FAT3: variants seen among roughly 807,000 people sequenced by gnomAD.
FAT3 encodes the protein protocadherin Fat 3.
A neutral mutation model predicts 310.2 loss-of-function variants in FAT3; 95 were observed. That is an observed-to-expected ratio of 0.31 (90% CI 0.26 to 0.36). The LOEUF is 0.36. Ranked by LOEUF, FAT3 falls within the 10% of genes least tolerant of loss-of-function variation. The pLI, the probability that FAT3 is intolerant of heterozygous loss-of-function variation, is 1.00. For missense variants in FAT3, 5,408 were observed against 5,715.6 expected (o/e 0.95, Z 1.74); for synonymous variants, 2,314 against 2,192.9 (o/e 1.06, Z -1.54).
At chr11:92,326,780 G>A (rs1451325107) in intron 1 of FAT3, among the ~76,000 whole-genome samples, 1 of 152,160 alleles carries the variant, frequency 6.6e-6, no homozygotes, top group Non-Finnish European at 1.5e-5. Context: ...TCAGAAACTG[G>A]AGTCTTATTT....
At chr11:92,791,047 G>A (rs896756275) in intron 8 of FAT3, among the ~76,000 whole-genome samples, 2 of 152,148 alleles carry the variant, frequency 1.3e-5, no homozygotes, top group African/African-American at 2.4e-5. Flanking sequence ...TGAAAGTAAT[G>A]TTCCACTAAG....
At chr11:92,887,134 T>C (rs748945389) in intron 25 of FAT3, 21 bp downstream of exon 25, 2 of 1,587,686 alleles carry the variant, frequency 1.3e-6, no homozygotes. Flanking sequence ...ATCAGATTTG[T>C]TCGGAGCGGG....
chr11:92,483,239 C>T (rs752230468), intron 2 of FAT3, among the ~76,000 whole-genome samples: 1 of 152,156 alleles, frequency 6.6e-6, no homozygotes. Flanking sequence ...TGGAATTTTG[C>T]ACATGTCCAT....
intron 22 of FAT3, among the ~76,000 whole-genome samples, chr11:92,869,494 A>C (rs914685853): frequency 6.6e-6 from 1 of 152,166 alleles, no homozygotes; most frequent in African/African-American, 2.4e-5. Flanking sequence ...GGGGGTATCT[A>C]CCTCTTCCTG....
At chr11:92,463,580 C>A (rs1951686436) in intron 2 of FAT3, among the ~76,000 whole-genome samples, 1 of 152,112 alleles carries the variant, frequency 6.6e-6, no homozygotes, top group South Asian at 2.1e-4. Context: ...AACATCCAAT[C>A]AATGGTACCT....
chr11:92,227,752 CT>C (rs151286236), intron 1 of FAT3, among the ~76,000 whole-genome samples: 61,082 of 140,390 alleles, frequency 0.44, 13,288 homozygotes, highest in Non-Finnish European at 0.51. Context: ...CTTTCTTCTT[CT>C]TTTTTTTTTT....
chr11:92,464,354 G>A (rs184386729), intron 2 of FAT3, among the ~76,000 whole-genome samples: 2 of 152,322 alleles, frequency 1.3e-5, no homozygotes, highest in Admixed American at 1.3e-4. Flanking sequence ...CTTGGATGCA[G>A]TTACCATCTT....
chr11:92,385,121 A>T (rs1176915539), intron 2 of FAT3, among the ~76,000 whole-genome samples: 8 of 152,340 alleles, frequency 5.3e-5, no homozygotes, highest in Admixed American at 4.6e-4. Flanking sequence ...ATTGCATCAT[A>T]GTATTACTCC....
At chr11:92,520,247 A>G (rs7925140) in intron 2 of FAT3, among the ~76,000 whole-genome samples, 5,854 of 152,230 alleles carry the variant, frequency 0.038, 369 homozygotes, top group African/African-American at 0.13. Context: ...AACAGTACAG[A>G]CTATATTATT....
chr11:92,315,512 T>G (rs71458698), intron 1 of FAT3, among the ~76,000 whole-genome samples: 11,628 of 56,344 alleles, frequency 0.21, 1,401 homozygotes, highest in African/African-American at 0.33. Flanking sequence ...TATATATATA[T>G]AGAGAGAGAG....
At chr11:92,447,215 A>ATGTGTGTGTGTGTG (rs369295353) in intron 2 of FAT3, among the ~76,000 whole-genome samples, 22 of 123,008 alleles carry the variant, frequency 1.8e-4, no homozygotes, top group African/African-American at 6.6e-4. Context: ...GTGTATGTAT[A>ATGTGTGTGTGTGTG]TGTGTGCGTG....
chr11:92,722,852 G>T (rs1944902782), intron 4 of FAT3, among the ~76,000 whole-genome samples: 1 of 152,196 alleles, frequency 6.6e-6, no homozygotes, highest in Admixed American at 6.5e-5. Context: ...CATGGCTAGG[G>T]TGGCTAGGAT....
chr11:92,486,884 C>G (rs1051822407), intron 2 of FAT3, among the ~76,000 whole-genome samples: 21 of 152,144 alleles, frequency 1.4e-4, no homozygotes, highest in Non-Finnish European at 2.5e-4. Flanking sequence ...GTGTCCCACT[C>G]TCATCTGGTT....
At chr11:92,743,996 G>A (rs1372649682) in intron 4 of FAT3, among the ~76,000 whole-genome samples, 1 of 152,150 alleles carries the variant, frequency 6.6e-6, no homozygotes, top group African/African-American at 2.4e-5. Flanking sequence ...ACTGTAAGAA[G>A]CGAGTTTCCT....
rs1464232691 is a variant in FAT3, at chr11:92,800,703, C to G, written c.7690C>G (p.Leu2564Val). ...AGAAAGGCTAGACCGGGAAAACCCT[C>G]TAGAAGGGGATGTTAGTATTTTTGT... The part of the protein sequence containing the change: ...TTERLDRENP[L>V]EGDVSIFVRA... Residue 2564 changes from leucine (L) to valine (V), a missense_variant, in exon 10 of 28, where the codon CTA (leucine) becomes GTA (valine). Leu to Val is a conservative substitution (Grantham distance 32). Transcript: ENST00000525166. 6.2e-7 allele frequency: 1 copy of G among 1,613,800 alleles called. No homozygotes were observed.
intron 2 of FAT3, among the ~76,000 whole-genome samples, chr11:92,512,488 CCT>C (rs1249457962): frequency 1.4e-5 from 2 of 144,690 alleles, no homozygotes; most frequent in Admixed American, 7.0e-5. Context: ...CTAAAACTGC[CCT>C]GTTTTATATC....
chr11:92,475,907 T>C (rs1952040030), intron 2 of FAT3, among the ~76,000 whole-genome samples: 1 of 152,110 alleles, frequency 6.6e-6, no homozygotes, highest in Admixed American at 6.6e-5. Context: ...GAGCAGGTCA[T>C]AAAATCAAGT....
chr11:92,551,084 C>T (rs1374184775), intron 3 of FAT3, among the ~76,000 whole-genome samples: 2 of 152,024 alleles, frequency 1.3e-5, no homozygotes, highest in African/African-American at 4.8e-5. Flanking sequence ...CCTGTCCACC[C>T]ATTATTCTTC....
At chr11:92,400,009 T>A (rs1490808174) in intron 2 of FAT3, among the ~76,000 whole-genome samples, 1 of 152,164 alleles carries the variant, frequency 6.6e-6, no homozygotes, top group Non-Finnish European at 1.5e-5. Flanking sequence ...TATATATTCT[T>A]ATTGAGGCAC....
Sources: gnomAD v4.1 joint callset for allele counts (sites outside exome capture counted in the v4.1 genomes callset) on GRCh38, gnomAD v4.1.1 for gene constraint, MANE v1.5 for transcripts, NCBI Gene and HGNC (gene_info 2026-07-23, HGNC 2026-07-21) for gene names.